SLC17A6: variants seen among roughly 807,000 people sequenced by gnomAD.
SLC17A6 encodes the protein solute carrier family 17 member 6, also known as vesicular glutamate transporter 2.
In SLC17A6, 35 loss-of-function variants were observed where a neutral mutation model predicts 67.1. The ratio of observed to expected loss-of-function variants is 0.52; its 90% confidence interval spans 0.40 to 0.69. SLC17A6 has a LOEUF of 0.69. Among genes scored for constraint, SLC17A6 ranks in the 30% least tolerant of loss-of-function variants. The pLI, the probability that SLC17A6 is intolerant of heterozygous loss-of-function variation, is 0.00. For missense variants in SLC17A6, 588 were observed against 723.9 expected (o/e 0.81, Z 2.15); for synonymous variants, 285 against 252.3 (o/e 1.13, Z -1.23).
chr11:22,360,691 C>T (rs1007390395), intron 4 of SLC17A6, among the ~76,000 whole-genome samples: 2 of 152,014 alleles, frequency 1.3e-5, no homozygotes, highest in African/African-American at 4.8e-5. Flanking sequence ...GAATTTAATG[C>T]CCTACAAAAT....
chr11:22,338,706 G>C, intron 1 of SLC17A6, 87 bp downstream of exon 1: 1 of 959,602 alleles, frequency 1.0e-6, no homozygotes, highest in Non-Finnish European at 1.7e-6. Context: ...GGCTCAGAAA[G>C]ATTGTAATAT....
In SLC17A6 at chr11:22,341,731, A is replaced by G; in HGVS notation, c.290A>G (p.Asp97Gly). Residue 97 changes from aspartate (D) to glycine (G), a missense_variant, in exon 2 of 12, where the codon GAC (aspartate) becomes GGC (glycine). Coordinates refer to ENST00000263160, the MANE Select transcript of SLC17A6 (RefSeq NM_020346.3). ...IRCNLGVAIV[D>G]MVNNSTIHRG... The stretch of plus-strand genomic sequence containing the variant: ...TGCAACCTGGGCGTGGCCATTGTGG[A>G]CATGGTCAACAACAGCACCATCCAC... The G allele has an allele frequency of 1.9e-6, 3 of 1,614,186 alleles. No homozygotes were observed. Among genetic ancestry groups the G allele is most frequent in the South Asian group, 2.2e-5 (2 of 91,080 alleles).
chr11:22,360,177 A>T (rs1444537945), intron 4 of SLC17A6, among the ~76,000 whole-genome samples: 1 of 152,116 alleles, frequency 6.6e-6, no homozygotes. Context: ...TCCTTTACAG[A>T]GACACAGATG....
At position 22,366,949 on chromosome 11, in the gene SLC17A6, T is replaced by C. The variant is rs186361503; in HGVS notation, c.891+1260T>C. Among the ~76,000 whole-genome samples the C allele has an allele frequency of 2.2e-3, 295 of 134,712 alleles. 1 individual carries two copies. Among genetic ancestry groups the C allele is most frequent in the Non-Finnish European group, 3.3e-3 (219 of 65,822 alleles). The allele number at this position is 134,712 out of a possible 152,430, so 88.4% of individuals were successfully genotyped here. ...TGAACCAGGGAGGTGGAGGTTGCAG[T>C]GAGCTGAAATCACTCCACTGCACTC... On this transcript the variant is annotated intron_variant, in intron 7 of 11. Transcript: ENST00000263160.
At chr11:22,339,168 ATATATATATGTTT>A (rs1855781353) in intron 1 of SLC17A6, among the ~76,000 whole-genome samples, 10 of 59,206 alleles carry the variant, frequency 1.7e-4, no homozygotes, top group South Asian at 6.6e-4. Context: ...TATATATGTT[ATATATATATGTTT>A]TATATATATA....
Position 22,375,965 on chromosome 11 carries a change from T to C in SLC17A6, c.1175-17T>C. 6.4e-7 allele frequency: 1 copy of C among 1,571,576 alleles called. No individual in the cohort carries two copies. The highest frequency in any genetic ancestry group is 8.6e-7 in the Non-Finnish European group (1 of 1,156,170). On this transcript the variant is annotated splice_polypyrimidine_tract_variant and intron_variant, in intron 9 of 11. Coordinates refer to ENST00000263160, the MANE Select transcript of SLC17A6 (RefSeq NM_020346.3). Reference sequence around the variant, plus strand: ...TTCAAAAATTTCTGAAGAATTTCTATGTGTTTGCTTCTGAAGGTTTTGGCA... The same window carrying C: ...TTCAAAAATTTCTGAAGAATTTCTACGTGTTTGCTTCTGAAGGTTTTGGCA...
intron 4 of SLC17A6, among the ~76,000 whole-genome samples, chr11:22,360,121 A>AC (rs1005396820): frequency 6.6e-6 from 1 of 151,964 alleles, no homozygotes; most frequent in African/African-American, 2.4e-5. Flanking sequence ...AAAAAAAAAA[A>AC]AACCCTTTCT....
chr11:22,348,548 T>A (rs1274956374), intron 3 of SLC17A6, among the ~76,000 whole-genome samples: 1 of 152,192 alleles, frequency 6.6e-6, no homozygotes, highest in Non-Finnish European at 1.5e-5. Flanking sequence ...TAACTTTTTC[T>A]GCCACGCAGA....
chr11:22,349,100 T>C (rs1239432148), intron 3 of SLC17A6, among the ~76,000 whole-genome samples: 1 of 152,134 alleles, frequency 6.6e-6, no homozygotes, highest in Non-Finnish European at 1.5e-5. Flanking sequence ...TATGTAATAT[T>C]TTTTCCTCTC....
At chr11:22,368,586 C>A (rs1444401849) in intron 7 of SLC17A6, among the ~76,000 whole-genome samples, 1 of 151,926 alleles carries the variant, frequency 6.6e-6, no homozygotes, top group Non-Finnish European at 1.5e-5. Context: ...GAATAAAGTT[C>A]TTAGGAAAGA....
chr11:22,362,786 G>A lies in SLC17A6; in HGVS notation c.709G>A (p.Val237Met). Residue 237 changes from valine (V) to methionine (M), a missense_variant, in exon 6 of 12, where the codon GTG becomes ATG. Transcript: ENST00000263160. ...VIAMPLAGIL[V>M]QYTGWSSVFY... The stretch of plus-strand genomic sequence containing the variant: ...TGCAATGCCTTTAGCTGGCATTCTT[G>A]TGCAGTACACTGGCTGGTCTTCAGT... 6.2e-7 allele frequency: 1 copy of A among 1,613,784 alleles called. No homozygotes were observed. Among genetic ancestry groups the A allele is most frequent in the Non-Finnish European group, 8.5e-7 (1 of 1,179,748 alleles).
At chr11:22,342,935 A>AGT (rs1433383321) in intron 2 of SLC17A6, 1 of 494,866 alleles carries the variant, frequency 2.0e-6, no homozygotes, top group Non-Finnish European at 3.9e-6. Flanking sequence ...CTTCATGGGG[A>AGT]GTCCGAATTT....
At chr11:22,343,442 G>A in intron 3 of SLC17A6, 77 bp downstream of exon 3, 1 of 1,282,698 alleles carries the variant, frequency 7.8e-7, no homozygotes, top group Non-Finnish European at 1.1e-6. Flanking sequence ...CTGGAGCAGA[G>A]ACAACAGCCC....
In SLC17A6 at chr11:22,342,727, C is replaced by T. The variant is rs543664368; in HGVS notation, c.340-520C>T. ...ACTCCAAACTCTTCAGGCCCATATC[C>T]GTCCCCATTTGTGGGGACACGCTTT... On this transcript the variant is annotated intron_variant, in intron 2 of 11. Coordinates refer to ENST00000263160, the MANE Select transcript of SLC17A6 (RefSeq NM_020346.3). Among the ~76,000 whole-genome samples the T allele has an allele frequency of 5.3e-5, 8 of 152,288 alleles. No individual in the cohort carries two copies. The South Asian group carries it at 1.7e-3, about 32-fold the overall frequency.
rs79155622 is a variant in SLC17A6, at chr11:22,363,547, T to C, written c.748+722T>C. On this transcript the variant is annotated intron_variant, in intron 6 of 11. Coordinates refer to ENST00000263160, the MANE Select transcript of SLC17A6 (RefSeq NM_020346.3). ...TTAATATCATCTTTGGACATTGCCATGAGAATCTGAAATATTAATGAAGTC... is the reference window on the plus strand; with the variant it reads ...TTAATATCATCTTTGGACATTGCCACGAGAATCTGAAATATTAATGAAGTC... Among the ~76,000 whole-genome samples the C allele has an allele frequency of 0.011, 1,717 of 152,298 alleles. 46 individuals are homozygous for C. In the East Asian group the frequency reaches 0.12, roughly 11 times the overall value.
intron 3 of SLC17A6, among the ~76,000 whole-genome samples, chr11:22,345,684 C>A (rs1193116877): frequency 1.3e-5 from 2 of 151,990 alleles, no homozygotes; most frequent in Non-Finnish European, 2.9e-5. Context: ...CCTTATCTTG[C>A]CTGAAGATTC....
At position 22,362,787 on chromosome 11, in the gene SLC17A6, T is replaced by G; in HGVS notation, c.710T>G (p.Val237Gly). 1 of 1,613,894 alleles carries G rather than the reference T, an allele frequency of 6.2e-7. No homozygotes were observed. The highest frequency in any genetic ancestry group is 8.5e-7 in the Non-Finnish European group (1 of 1,179,770). ...VIAMPLAGIL[V>G]QYTGWSSVFY... ...GCAATGCCTTTAGCTGGCATTCTTG[T>G]GCAGTACACTGGCTGGTCTTCAGTG... is the stretch of plus-strand genomic sequence containing the variant. The change falls in exon 6 of 12, where the codon GTG becomes GGG. Residue 237 changes from valine (V) to glycine (G), a missense_variant. Coordinates refer to ENST00000263160, the MANE Select transcript of SLC17A6 (RefSeq NM_020346.3).
rs113134070 is a variant in SLC17A6 at position 22,349,436 on chromosome 11, A to G, written c.458+6071A>G. 2.0e-3 allele frequency among the ~76,000 whole-genome samples: 307 copies of G among 152,320 alleles called. 1 individual carries two copies. The highest frequency in any genetic ancestry group is 6.9e-3 in the African/African-American group (285 of 41,570). ...GACAAAAGAAAATACCCTTTACCATAAGATGAATAGATGGATTGAGGAGGG... is the reference window on the plus strand; with the variant it reads ...GACAAAAGAAAATACCCTTTACCATGAGATGAATAGATGGATTGAGGAGGG... On this transcript the variant is annotated intron_variant, in intron 3 of 11. Coordinates refer to ENST00000263160, the MANE Select transcript of SLC17A6 (RefSeq NM_020346.3).
chr11:22,370,330 A>G (rs760473723), intron 8 of SLC17A6, 142 bp downstream of exon 8: 10 of 694,220 alleles, frequency 1.4e-5, no homozygotes, highest in South Asian at 8.2e-5. Context: ...AGGAAATAGA[A>G]GCAAAGTAAA....
Sources: gnomAD v4.1 joint callset for allele counts (sites outside exome capture counted in the v4.1 genomes callset) on GRCh38, gnomAD v4.1.1 for gene constraint, MANE v1.5 for transcripts, NCBI Gene and HGNC (gene_info 2026-07-23, HGNC 2026-07-21) for gene names.